ARL8B: variants seen among roughly 807,000 people sequenced by gnomAD.
The protein encoded by ARL8B is ARF like GTPase 8B.
Under a neutral mutation model 30.6 loss-of-function variants are expected in ARL8B, and 9 were observed. The observed-to-expected ratio is 0.29, with a 90% CI of 0.18 to 0.51. The LOEUF is 0.51. Among genes scored for constraint, ARL8B ranks in the 20% least tolerant of loss-of-function variants. The pLI, the probability that ARL8B is intolerant of heterozygous loss-of-function variation, is 0.97. For missense variants in ARL8B, 130 were observed against 227.2 expected (o/e 0.57, Z 2.75); for synonymous variants, 74 against 76.0 (o/e 0.97, Z 0.14).
chr3:5,127,542 A>C (rs538958412), intron 1 of ARL8B, among the ~76,000 whole-genome samples: 1 of 152,314 alleles, frequency 6.6e-6, no homozygotes, highest in Admixed American at 6.5e-5. Context: ...AACATGAATT[A>C]GGAGAAGGAA....
chr3:5,170,737 TG>T, intron 2 of ARL8B, 154 bp downstream of exon 2: 2 of 589,724 alleles, frequency 3.4e-6, no homozygotes, highest in South Asian at 2.3e-5. Context: ...GTTGTTTTTT[TG>T]TTTTTTTTTT....
At chr3:5,142,260 G>A (rs540449430) in intron 1 of ARL8B, among the ~76,000 whole-genome samples, 4 of 152,238 alleles carry the variant, frequency 2.6e-5, no homozygotes, top group African/African-American at 7.2e-5. Context: ...TAGGATGTGC[G>A]TACAAGTTGA....
At chr3:5,130,840 G>A (rs191017157) in intron 1 of ARL8B, among the ~76,000 whole-genome samples, 42 of 152,028 alleles carry the variant, frequency 2.8e-4, no homozygotes, top group Admixed American at 2.4e-3. Context: ...TCTTACTTCA[G>A]TATGCAAAAT....
chr3:5,166,478 C>G (rs2054625521), intron 1 of ARL8B, among the ~76,000 whole-genome samples: 1 of 150,856 alleles, frequency 6.6e-6, no homozygotes, highest in African/African-American at 2.4e-5. Context: ...GCTGGGACTA[C>G]AGGCAAGCCC....
At chr3:5,136,296 T>G (rs2054325267) in intron 1 of ARL8B, among the ~76,000 whole-genome samples, 1 of 152,216 alleles carries the variant, frequency 6.6e-6, no homozygotes, top group African/African-American at 2.4e-5. Flanking sequence ...TACTGATTTA[T>G]GTAAGATAAA....
At chr3:5,168,523 C>A (rs1308251189) in intron 1 of ARL8B, among the ~76,000 whole-genome samples, 1 of 152,122 alleles carries the variant, frequency 6.6e-6, no homozygotes, top group Admixed American at 6.5e-5. Flanking sequence ...TTAGGGTTGG[C>A]CAAGGTAAAG....
intron 1 of ARL8B, chr3:5,128,419 T>C: frequency 2.2e-6 from 1 of 452,776 alleles, no homozygotes; most frequent in Non-Finnish European, 4.4e-6. Context: ...TAAAGTTTTC[T>C]ACCCTTCATC....
At chr3:5,162,468 T>A (rs1192888216) in intron 1 of ARL8B, among the ~76,000 whole-genome samples, 1 of 152,228 alleles carries the variant, frequency 6.6e-6, no homozygotes, top group Non-Finnish European at 1.5e-5. Context: ...GAAATGATAA[T>A]CTTGGAATGT....
At chr3:5,124,256 ATTTTTTTTTTTT>A (rs35897178) in intron 1 of ARL8B, among the ~76,000 whole-genome samples, 93 of 105,696 alleles carry the variant, frequency 8.8e-4, no homozygotes, top group Admixed American at 1.8e-3. Context: ...AATACCACTA[ATTTTTTTTTTTT>A]TTTTTTTTTT....
intron 1 of ARL8B, among the ~76,000 whole-genome samples, chr3:5,149,036 G>A (rs2054455149): frequency 2.0e-5 from 3 of 152,322 alleles, no homozygotes; most frequent in Admixed American, 1.3e-4. Flanking sequence ...CGGTTTGTCC[G>A]TCTCTGGCTG....
chr3:5,143,893 C>T (rs752234538), intron 1 of ARL8B, among the ~76,000 whole-genome samples: 2 of 152,150 alleles, frequency 1.3e-5, no homozygotes, highest in Admixed American at 6.5e-5. Flanking sequence ...TATAATAACT[C>T]GTAGGGGGAC....
At chr3:5,124,209 A>G (rs926772115) in intron 1 of ARL8B, among the ~76,000 whole-genome samples, 15 of 145,378 alleles carry the variant, frequency 1.0e-4, no homozygotes, top group South Asian at 2.2e-4. Context: ...TGGAATGACT[A>G]TCTTTCCGCA....
chr3:5,139,175 T>C (rs1453784347), intron 1 of ARL8B, among the ~76,000 whole-genome samples: 2 of 152,190 alleles, frequency 1.3e-5, no homozygotes, highest in East Asian at 3.8e-4. Flanking sequence ...GTTGCAAAAT[T>C]GTGAGGCAGA....
At chr3:5,167,166 T>C (rs1180221176) in intron 1 of ARL8B, among the ~76,000 whole-genome samples, 1 of 152,222 alleles carries the variant, frequency 6.6e-6, no homozygotes, top group African/African-American at 2.4e-5. Context: ...AAGTTCCAGG[T>C]ACACTGCCTT....
intron 6 of ARL8B, among the ~76,000 whole-genome samples, chr3:5,174,723 T>TAAA (rs548363251): frequency 7.1e-6 from 1 of 141,620 alleles, no homozygotes; most frequent in Non-Finnish European, 1.5e-5. Context: ...GTATTATATA[T>TAAA]TATATGTAAT....
At chr3:5,174,109 A>G in intron 5 of ARL8B, 25 bp downstream of exon 5, 1 of 1,570,484 alleles carries the variant, frequency 6.4e-7, no homozygotes, top group Non-Finnish European at 8.7e-7. Context: ...TGCTATTTTA[A>G]TAATTTGCTT....
At chr3:5,167,957 A>C (rs1213908849) in intron 1 of ARL8B, among the ~76,000 whole-genome samples, 14 of 152,238 alleles carry the variant, frequency 9.2e-5, no homozygotes, top group Admixed American at 9.2e-4. Flanking sequence ...AAAGAAGTAG[A>C]AAATACTTCC....
At chr3:5,140,902 T>C (rs1193981073) in intron 1 of ARL8B, among the ~76,000 whole-genome samples, 1 of 152,210 alleles carries the variant, frequency 6.6e-6, no homozygotes, top group African/African-American at 2.4e-5. Context: ...AAGACTTTTA[T>C]TGGCGGTCTT....
chr3:5,125,762 G>A (rs1397757222), intron 1 of ARL8B, among the ~76,000 whole-genome samples: 2 of 152,094 alleles, frequency 1.3e-5, no homozygotes, highest in Admixed American at 6.5e-5. Flanking sequence ...CGAACTCCTG[G>A]TCTCAAGTAA....
Sources: allele counts gnomAD v4.1 joint callset (sites outside exome capture counted in the v4.1 genomes callset), GRCh38; gene constraint gnomAD v4.1.1; transcripts MANE v1.5; gene names NCBI Gene and HGNC (gene_info 2026-07-23, HGNC 2026-07-21).